The following SMC1B variants were observed in gnomAD, a reference collection of about 807,000 sequenced individuals.
SMC1B encodes the protein structural maintenance of chromosomes 1B.
Under a neutral mutation model 157.9 loss-of-function variants are expected in SMC1B, and 60 were observed. That is an observed-to-expected ratio of 0.38 (90% CI 0.31 to 0.47). The LOEUF (loss-of-function observed/expected upper bound fraction) is 0.47. Ranked by LOEUF, SMC1B falls within the 20% of genes least tolerant of loss-of-function variation. The probability of loss-of-function intolerance (pLI) is 0.99; values close to 1 mark genes in which losing one functional copy is unlikely to be tolerated. For missense variants in SMC1B, 1,165 were observed against 1,426.2 expected (o/e 0.82, Z 2.95); for synonymous variants, 445 against 483.0 (o/e 0.92, Z 1.03).
intron 15 of SMC1B, among the ~76,000 whole-genome samples, chr22:45,367,027 G>A (rs958055484): frequency 6.6e-6 from 1 of 152,084 alleles, no homozygotes; most frequent in Non-Finnish European, 1.5e-5. Context: ...TTGCTTTTCT[G>A]TTATTTTGGA....
chr22:45,354,670 C>T (rs990285303), intron 20 of SMC1B, among the ~76,000 whole-genome samples: 2 of 152,126 alleles, frequency 1.3e-5, no homozygotes, highest in African/African-American at 4.8e-5. Flanking sequence ...GGATTACAGG[C>T]GTGAGCTACT....
At chr22:45,371,391 C>A in intron 14 of SMC1B, 80 bp downstream of exon 14, 3 of 1,426,782 alleles carry the variant, frequency 2.1e-6, no homozygotes, top group Non-Finnish European at 9.1e-7. Context: ...TTTGCTTTAG[C>A]ATATATTTAA....
At chr22:45,371,960 T>C (rs1245975638) in intron 13 of SMC1B, among the ~76,000 whole-genome samples, 195 bp downstream of exon 13, 1 of 151,986 alleles carries the variant, frequency 6.6e-6, no homozygotes, top group Admixed American at 6.5e-5. Flanking sequence ...GGAGGATCAC[T>C]TGAACCTGGG....
In SMC1B at chr22:45,344,442, C is replaced by A; in HGVS notation, c.*114G>T. The A allele has an allele frequency of 1.4e-6, 1 of 707,066 alleles. No individual in the cohort carries two copies. Among genetic ancestry groups the A allele is most frequent in the South Asian group, 1.9e-5 (1 of 51,364 alleles). The allele number at this position is 707,066 out of a possible 1,614,324, so 43.8% of individuals were successfully genotyped here. ...TTTGGCTAGAACGACTAAGGTTTCTCTTAAAGGGTGCACCAGGCTGGTCCT... is the reference window on the plus strand; with the variant it reads ...TTTGGCTAGAACGACTAAGGTTTCTATTAAAGGGTGCACCAGGCTGGTCCT... On this transcript the variant is annotated 3_prime_UTR_variant, in exon 25 of 25. Transcript: ENST00000357450.
At chr22:45,356,671 A>G (rs2086672599) in intron 19 of SMC1B, among the ~76,000 whole-genome samples, 1 of 151,894 alleles carries the variant, frequency 6.6e-6, no homozygotes, top group African/African-American at 2.4e-5. Flanking sequence ...AAGATGAGAA[A>G]CCATAAATAT....
chr22:45,397,410 A>G (rs933633776), intron 6 of SMC1B, among the ~76,000 whole-genome samples: 8 of 152,086 alleles, frequency 5.3e-5, no homozygotes, highest in African/African-American at 9.7e-5. Flanking sequence ...GGGAGGATCA[A>G]TTGAGCCCAG....
chr22:45,382,502 C>T (rs6519847), intron 12 of SMC1B, among the ~76,000 whole-genome samples: 73,485 of 151,972 alleles, frequency 0.48, 20,599 homozygotes, highest in African/African-American at 0.78. Context: ...CAAAGGAATT[C>T]TGCGGGGTGA....
rs3833396 is a variant in SMC1B at position 45,353,893 on chromosome 22, C to CAAAAAAAAAAAAAAAAAAAAAAAAAAA, written c.3273+58_3273+84dup. ...TAATGTGGCAGTGGTTATTTCCCAC[C>CAAAAAAAAAAAAAAAAAAAAAAAAAAA]AAAAAAAAAAAAAAAAAAAAAAAAA... On this transcript the variant is annotated intron_variant, in intron 21 of 24. Coordinates refer to ENST00000357450, the MANE Select transcript of SMC1B (RefSeq NM_148674.5). 9.2e-4 allele frequency: 227 copies of CAAAAAAAAAAAAAAAAAAAAAAAAAAA among 247,498 alleles called. 78 individuals are homozygous for CAAAAAAAAAAAAAAAAAAAAAAAAAAA. Among genetic ancestry groups the CAAAAAAAAAAAAAAAAAAAAAAAAAAA allele is most frequent in the Middle Eastern group, 1.2e-3 (1 of 824 alleles). 15.3% of individuals were successfully genotyped at this position (247,498 alleles called of 1,614,324 possible).
intron 5 of SMC1B, among the ~76,000 whole-genome samples, chr22:45,401,164 G>A (rs1179234992): frequency 1.3e-5 from 2 of 152,164 alleles, no homozygotes; most frequent in Non-Finnish European, 2.9e-5. Context: ...AATAATGTAA[G>A]ATATTAATAA....
At chr22:45,353,215 T>G (rs1410172843) in intron 21 of SMC1B, among the ~76,000 whole-genome samples, 1 of 137,578 alleles carries the variant, frequency 7.3e-6, no homozygotes, top group African/African-American at 2.8e-5. Context: ...TGAGCCGAGA[T>G]CGCACCACTG....
chr22:45,395,867 T>C (rs1288397468), intron 7 of SMC1B, among the ~76,000 whole-genome samples: 1 of 152,074 alleles, frequency 6.6e-6, no homozygotes. Flanking sequence ...CAAATAATAA[T>C]AGGTAGTTAT....
At chr22:45,397,551 G>A (rs1300614208) in intron 6 of SMC1B, among the ~76,000 whole-genome samples, 1 of 152,172 alleles carries the variant, frequency 6.6e-6, no homozygotes, top group Non-Finnish European at 1.5e-5. Context: ...CAAGTGCTGG[G>A]TAAATCCACA....
intron 4 of SMC1B, among the ~76,000 whole-genome samples, chr22:45,403,449 C>CATGTTTGT (rs2087219734): frequency 8.9e-6 from 1 of 111,960 alleles, no homozygotes; most frequent in Non-Finnish European, 1.7e-5. Flanking sequence ...TATCCCTGAT[C>CATGTTTGT]CTGTTTGTTT....
intron 6 of SMC1B, 46 bp downstream of exon 6, chr22:45,399,049 T>G: frequency 6.4e-7 from 1 of 1,560,020 alleles, no homozygotes; most frequent in East Asian, 2.2e-5. Context: ...TCAAAGCAGC[T>G]GAAATAATAG....
intron 1 of SMC1B, among the ~76,000 whole-genome samples, chr22:45,412,489 G>A (rs79738178): frequency 0.056 from 7,692 of 137,394 alleles, 490 homozygotes; most frequent in East Asian, 0.31. Flanking sequence ...GTGAGCCACC[G>A]CGCCCAGCCT....
intron 5 of SMC1B, among the ~76,000 whole-genome samples, chr22:45,400,078 T>C (rs749722417): frequency 2.0e-5 from 3 of 152,150 alleles, no homozygotes; most frequent in African/African-American, 2.4e-5. Flanking sequence ...CATATGAAAA[T>C]ATTTATAGCT....
At chr22:45,363,223 A>G (rs2086738581) in intron 15 of SMC1B, among the ~76,000 whole-genome samples, 197 bp from the exon 16 acceptor site, 1 of 152,126 alleles carries the variant, frequency 6.6e-6, no homozygotes, top group African/African-American at 2.4e-5. Context: ...TGACCCTCCC[A>G]CCACTGGCTT....
chr22:45,371,488 G>T lies in SMC1B; in HGVS notation c.2296C>A (p.Gln766Lys). 6.3e-7 allele frequency: 1 copy of T among 1,595,934 alleles called. No individual in the cohort carries two copies. The highest frequency in any genetic ancestry group is 1.2e-5 in the South Asian group (1 of 86,590). ...KERQRRIKEF[Q>K]EKIDKVEDDI... ...TTCATGACCTTATCTATCTTTTCTT[G>T]AAATTCTTTAATTCTTCGTTGTCGT... Residue 766 changes from glutamine to lysine, a missense_variant, in exon 14 of 25, where the codon CAA becomes AAA. Physicochemically the swap from Gln to Lys is moderately conservative, Grantham distance 53. Transcript: ENST00000357450.
chr22:45,389,411 T>G (rs1569191030), intron 10 of SMC1B, among the ~76,000 whole-genome samples: 1 of 152,224 alleles, frequency 6.6e-6, no homozygotes, highest in Non-Finnish European at 1.5e-5. Flanking sequence ...CTTTGCTATA[T>G]AGGACAGAAT....
Sources: gnomAD v4.1 joint callset for allele counts (sites outside exome capture counted in the v4.1 genomes callset) on GRCh38, gnomAD v4.1.1 for gene constraint, MANE v1.5 for transcripts, NCBI Gene and HGNC (gene_info 2026-07-23, HGNC 2026-07-21) for gene names.